LDHAL6A: variants seen among roughly 807,000 people sequenced by gnomAD.
LDHAL6A encodes lactate dehydrogenase A like 6A, also known as L-lactate dehydrogenase A-like 6A.
A neutral mutation model predicts 28.2 loss-of-function variants in LDHAL6A; 19 were observed. The observed-to-expected ratio is 0.67, with a 90% confidence interval of 0.47 to 0.99. The LOEUF is 0.99. Ranked by LOEUF, LDHAL6A falls within the 50% of genes least tolerant of loss-of-function variation. LDHAL6A has a pLI of 0.00. For synonymous variants in LDHAL6A, 144 were observed against 134.4 expected, an observed-to-expected ratio of 1.07 and a Z score of -0.49; for missense variants, 372 against 398.6, an observed-to-expected ratio of 0.93 and a Z score of 0.57.
intron 5 of LDHAL6A, among the ~76,000 whole-genome samples, 168 bp from the exon 6 acceptor site, chr11:18,477,452 T>TAA (rs112745078): frequency 0.05 from 7,181 of 144,340 alleles, 301 homozygotes; most frequent in East Asian, 0.2. Flanking sequence ...GAGCAAGACT[T>TAA]AAAAAAAAAA....
rs1849015131 is a variant in LDHAL6A at position 18,464,977 on chromosome 11, G to GTTTTTTGTTTT, written c.245-654_245-653insGTTTTTTTTTT. On this transcript the variant is annotated intron_variant, in intron 2 of 6. Transcript: ENST00000280706. ...TTTTAGGAGGTGAGGTGTTTTTTTT[G>GTTTTTTGTTTT]TTTTTTTTTGTTTTGTTTTGTTTTG... Among the ~76,000 whole-genome samples, 6 of 125,488 alleles carry GTTTTTTGTTTT rather than the reference G, an allele frequency of 4.8e-5. 1 individual carries two copies. The highest frequency in any genetic ancestry group is 2.0e-4 in the African/African-American group (6 of 29,730). 82.3% of individuals were successfully genotyped at this position (125,488 alleles called of 152,430 possible).
chr11:18,461,744 C>T (rs1343211193), intron 1 of LDHAL6A, among the ~76,000 whole-genome samples: 1 of 150,040 alleles, frequency 6.7e-6, no homozygotes, highest in Non-Finnish European at 1.5e-5. Context: ...CCCAGCTACT[C>T]AGGAGGCTGA....
chr11:18,477,835 C>T (rs370009065), intron 6 of LDHAL6A, 92 bp downstream of exon 6: 27 of 1,170,356 alleles, frequency 2.3e-5, no homozygotes, highest in Middle Eastern at 2.0e-4. Flanking sequence ...GGTTTGATCT[C>T]GTGGGAAGCA....
At chr11:18,460,161 G>A (rs1251506243) in intron 1 of LDHAL6A, among the ~76,000 whole-genome samples, 1 of 152,166 alleles carries the variant, frequency 6.6e-6, no homozygotes, top group Non-Finnish European at 1.5e-5. Flanking sequence ...CTGGATCCAG[G>A]CAGTGGCTCA....
chr11:18,456,156 G>A lies in LDHAL6A; in HGVS notation c.-525G>A, dbSNP rs918256904. 2 of 156,384 alleles carry A rather than the reference G, an allele frequency of 1.3e-5. No homozygotes were observed. The highest frequency in any genetic ancestry group is 4.8e-5 in the African/African-American group (2 of 41,512). 9.7% of individuals were successfully genotyped at this position (156,384 alleles called of 1,614,324 possible). A position where few individuals can be genotyped will look rare whatever the true frequency, so the allele number is the denominator to read the frequency against. On this transcript the variant is annotated 5_prime_UTR_variant, in exon 1 of 7. Coordinates refer to ENST00000280706, the MANE Select transcript of LDHAL6A (RefSeq NM_144972.5). Reference sequence around the variant, plus strand: ...GGCGCCGCGGGAGCGAATTGTTTTTGCCCAAGGATGGTTCTGTGTCTCCGC... The same window carrying A: ...GGCGCCGCGGGAGCGAATTGTTTTTACCCAAGGATGGTTCTGTGTCTCCGC...
intron 2 of LDHAL6A, among the ~76,000 whole-genome samples, chr11:18,464,977 G>GTTTTTTGTTTTTTTTTTTTTTTTTTTTTT (rs1849015131): frequency 1.6e-5 from 2 of 125,490 alleles, no homozygotes; most frequent in African/African-American, 6.7e-5. Context: ...TGTTTTTTTT[G>GTTTTTTGTTTTTTTTTTTTTTTTTTTTTT]TTTTTTTTTG....
intron 1 of LDHAL6A, among the ~76,000 whole-genome samples, chr11:18,463,149 C>G (rs796293917): frequency 1.6e-4 from 25 of 152,130 alleles, no homozygotes; most frequent in African/African-American, 6.0e-4. Context: ...CTCTGGAACT[C>G]GTTTAAATTT....
At chr11:18,471,762 T>TAAA (rs755779286) in intron 3 of LDHAL6A, among the ~76,000 whole-genome samples, 147 of 118,962 alleles carry the variant, frequency 1.2e-3, no homozygotes, top group African/African-American at 1.8e-3. Context: ...CTGTCTCTAT[T>TAAA]AAAAAAAAAA....
intron 1 of LDHAL6A, among the ~76,000 whole-genome samples, chr11:18,460,305 T>C (rs555079732): frequency 2.0e-5 from 3 of 151,848 alleles, no homozygotes; most frequent in Non-Finnish European, 2.9e-5. Flanking sequence ...AAAAATTGGC[T>C]AGGTGGCCGG....
At chr11:18,475,365 C>G (rs1185094495) in intron 3 of LDHAL6A, 101 bp from the exon 4 acceptor site, 14 of 900,024 alleles carry the variant, frequency 1.6e-5, no homozygotes, top group Non-Finnish European at 2.3e-5. Context: ...TTTCTTGCCT[C>G]CTCCACAAAA....
At position 18,477,641 on chromosome 11, in the gene LDHAL6A, G is replaced by A. The variant is rs1051764513; in HGVS notation, c.732G>A (p.Met244Ile). The A allele has an allele frequency of 1.7e-5, 28 of 1,610,866 alleles. No homozygotes were observed. Among genetic ancestry groups the A allele is most frequent in the Non-Finnish European group, 2.3e-5 (27 of 1,179,238 alleles). Residue 244 changes from methionine to isoleucine, a missense_variant, in exon 6 of 7, where the codon ATG (methionine) becomes ATA (isoleucine). Met to Ile is a conservative substitution (Grantham distance 10). Around this residue, in one of 3 missense-constraint regions of LDHAL6A, gnomAD observed 291 missense variants for 302.9 expected, o/e 0.96. Transcript: ENST00000280706. ...VISSGYEMVK[M>I]KGYTSWGISL... ...ACAGTGGCTATGAGATGGTCAAAAT[G>A]AAAGGTTATACTTCTTGGGGCATTA...
At chr11:18,474,485 C>G (rs915605443) in intron 3 of LDHAL6A, among the ~76,000 whole-genome samples, 1 of 151,910 alleles carries the variant, frequency 6.6e-6, no homozygotes, top group Non-Finnish European at 1.5e-5. Context: ...CTCCCGGGTT[C>G]AAGCAATTCT....
chr11:18,469,345 A>G, intron 3 of LDHAL6A: 1 of 421,482 alleles, frequency 2.4e-6, no homozygotes, highest in Non-Finnish European at 4.2e-6. Flanking sequence ...ACAAATTAGG[A>G]AAAACAAATT....
rs1848739604 is a variant in LDHAL6A at position 18,455,902 on chromosome 11, ACCT to A, written c.-778_-776del. ...AAGCATCACACCTGCCAAGCATCACACCTGCCAAGCATCACACCTGCCAAGCAT... is the reference window on the plus strand; with the variant it reads ...AAGCATCACACCTGCCAAGCATCACAGCCAAGCATCACACCTGCCAAGCAT... On this transcript the variant is annotated 5_prime_UTR_variant, in exon 1 of 7. Transcript: ENST00000280706. 1.3e-5 allele frequency: 2 copies of A among 151,660 alleles called. No individual in the cohort carries two copies. Among genetic ancestry groups the A allele is most frequent in the African/African-American group, 2.4e-5 (1 of 41,112 alleles). 9.4% of individuals were successfully genotyped at this position (151,660 alleles called of 1,614,324 possible). A position where few individuals can be genotyped will look rare whatever the true frequency, so the allele number is the denominator to read the frequency against.
At chr11:18,478,124 A>G (rs1849435808) in intron 6 of LDHAL6A, among the ~76,000 whole-genome samples, 1 of 152,164 alleles carries the variant, frequency 6.6e-6, no homozygotes, top group East Asian at 1.9e-4. Context: ...ACTAGACACA[A>G]AATAATTAGC....
intron 1 of LDHAL6A, 41 bp downstream of exon 1, chr11:18,456,847 GA>G: frequency 6.3e-7 from 1 of 1,590,272 alleles, no homozygotes; most frequent in Non-Finnish European, 8.6e-7. Context: ...ACCTCAGTTG[GA>G]GGCGAGGCCA....
intron 1 of LDHAL6A, among the ~76,000 whole-genome samples, chr11:18,462,219 G>A (rs549873068): frequency 3.7e-4 from 56 of 151,968 alleles, no homozygotes; most frequent in East Asian, 1.4e-3. Flanking sequence ...ATACAAGGCC[G>A]GGCGCGGATT....
intron 3 of LDHAL6A, among the ~76,000 whole-genome samples, chr11:18,473,774 C>T (rs554795983): frequency 6.6e-6 from 1 of 152,288 alleles, no homozygotes; most frequent in South Asian, 2.1e-4. Context: ...TAATGTTAAA[C>T]AGAAACAGTG....
At chr11:18,462,962 T>G (rs115420416) in intron 1 of LDHAL6A, among the ~76,000 whole-genome samples, 19,708 of 151,846 alleles carry the variant, frequency 0.13, 1,476 homozygotes, top group East Asian at 0.27. Flanking sequence ...AGTGTTTTTT[T>G]TTTTTCAAAT....
Sources: gnomAD v4.1 joint callset for allele counts (sites outside exome capture counted in the v4.1 genomes callset) on GRCh38, gnomAD v4.1.1 for gene constraint, gnomAD v4.1.1 regional missense constraint, MANE v1.5 for transcripts, NCBI Gene and HGNC (gene_info 2026-07-23, HGNC 2026-07-21) for gene names.